Variants in SUMF1 observed in about 807,000 individuals in gnomAD.
SUMF1 encodes formylglycine-generating enzyme.
A neutral mutation model predicts 47.6 loss-of-function variants in SUMF1; 48 were observed. The ratio of observed to expected loss-of-function variants is 1.01; its 90% CI spans 0.80 to 1.28. The LOEUF is 1.28. SUMF1 is among the 50% of genes most tolerant of loss of function. The pLI, the probability that SUMF1 is intolerant of heterozygous loss-of-function variation, is 0.00. For missense variants in SUMF1, 571 were observed against 485.4 expected (o/e 1.18, Z -1.66); for synonymous variants, 230 against 192.1 (o/e 1.20, Z -1.63).
intron 8 of SUMF1, among the ~76,000 whole-genome samples, chr3:4,284,838 G>T (rs1697600668): frequency 6.6e-6 from 1 of 152,022 alleles, no homozygotes; most frequent in South Asian, 2.1e-4. Context: ...AAGATAAAGG[G>T]ATTATTTAAT....
Position 4,207,788 on chromosome 3 carries a change from G to A in SUMF1, c.1015-139043C>T, listed in dbSNP as rs73120029. Among the ~76,000 whole-genome samples, 1,026 of 152,238 alleles carry A rather than the reference G, an allele frequency of 6.7e-3. 13 individuals are homozygous for A. Among genetic ancestry groups the A allele is most frequent in the African/African-American group, 0.024 (982 of 41,558 alleles). Reference sequence around the variant, plus strand: ...CCAAAAACATAGCGACAGACAAGGAGATACAGAAAACCACAACTTACTAGA... The same window carrying A: ...CCAAAAACATAGCGACAGACAAGGAAATACAGAAAACCACAACTTACTAGA... On this transcript the variant is annotated intron_variant and NMD_transcript_variant, in intron 8 of 12. Coordinates refer to the SUMF1 transcript ENST00000448413.
rs545227234 is a variant in SUMF1 at position 4,167,120 on chromosome 3, C to T, written c.1015-98375G>A. The stretch of plus-strand genomic sequence containing the variant: ...TCCTTCTGGTGGGTTCATGATCTCA[C>T]TAACTTCAAGAATGAAGCCACGGGC... On this transcript the variant is annotated intron_variant and NMD_transcript_variant, in intron 8 of 12. Transcript: ENST00000448413. 5.3e-5 allele frequency among the ~76,000 whole-genome samples: 8 copies of T among 152,198 alleles called. No individual in the cohort carries two copies. The South Asian group carries it at 1.7e-3, about 32-fold the overall frequency.
chr3:4,317,121 G>C, intron 8 of SUMF1: 1 of 1,545,260 alleles, frequency 6.5e-7, no homozygotes, highest in Non-Finnish European at 8.7e-7. Flanking sequence ...CAACCAGCAG[G>C]ATGCAGAAAA....
intron 8 of SUMF1, among the ~76,000 whole-genome samples, chr3:4,272,623 A>G (rs549657125): frequency 9.8e-5 from 15 of 152,350 alleles, no homozygotes; most frequent in Middle Eastern, 3.4e-3. Flanking sequence ...TGTCTGCTAC[A>G]TAATTATTCT....
rs1270718272 is a variant in SUMF1 at position 4,257,858 on chromosome 3, A to T, written c.1014+118472T>A. Among the ~76,000 whole-genome samples the T allele has an allele frequency of 2.6e-5, 4 of 151,552 alleles. No homozygotes were observed. In the East Asian group the frequency reaches 5.8e-4, roughly 22 times the overall value. On this transcript the variant is annotated intron_variant and NMD_transcript_variant, in intron 8 of 12. Transcript: ENST00000448413. ...GAAGCATCACGCTACCTGACTTCAAACTATACTACAAGGCTACAGTAACCA... is the reference window on the plus strand; with the variant it reads ...GAAGCATCACGCTACCTGACTTCAATCTATACTACAAGGCTACAGTAACCA...
At chr3:4,130,179 A>C (rs4499581) in intron 8 of SUMF1, among the ~76,000 whole-genome samples, 38,930 of 152,100 alleles carry the variant, frequency 0.26, 5,848 homozygotes, top group East Asian at 0.4. Flanking sequence ...TTGGAGAATG[A>C]CAGTGGATTA....
chr3:4,128,977 C>T lies in SUMF1; in HGVS notation c.1015-60232G>A, dbSNP rs189888193. On this transcript the variant is annotated intron_variant and NMD_transcript_variant, in intron 8 of 12. Transcript: ENST00000448413. ...AGTGAATTGGGAATGCCTGATCTCC[C>T]TTGGTTTAATGTAAAGGAAAGGATC... Among the ~76,000 whole-genome samples, 6 of 152,162 alleles carry T rather than the reference C, an allele frequency of 3.9e-5. No individual in the cohort carries two copies. In the East Asian group the frequency reaches 9.7e-4, roughly 25 times the overall value.
chr3:4,209,249 A>ATAAG (rs1165499350), intron 8 of SUMF1, among the ~76,000 whole-genome samples: 3 of 152,174 alleles, frequency 2.0e-5, no homozygotes, highest in African/African-American at 7.2e-5. Flanking sequence ...ACACTCTACT[A>ATAAG]TAAAGATTTT....
intron 8 of SUMF1, among the ~76,000 whole-genome samples, chr3:4,186,658 G>C (rs1430102942): frequency 6.6e-6 from 1 of 152,104 alleles, no homozygotes; most frequent in Non-Finnish European, 1.5e-5. Flanking sequence ...GTGTTCATAA[G>C]CAGTATTTAT....
intron 8 of SUMF1, among the ~76,000 whole-genome samples, chr3:4,172,082 A>C (rs1423886115): frequency 6.6e-6 from 1 of 152,208 alleles, no homozygotes; most frequent in Non-Finnish European, 1.5e-5. Flanking sequence ...TAGGAAACAG[A>C]CTTCAAATAA....
At chr3:4,383,850 G>T (rs1700586435) in intron 7 of SUMF1, among the ~76,000 whole-genome samples, 1 of 152,162 alleles carries the variant, frequency 6.6e-6, no homozygotes, top group Admixed American at 6.5e-5. Context: ...CAGCATCCAT[G>T]ACACTGTAGT....
downstream of SUMF1, among the ~76,000 whole-genome samples, chr3:4,357,922 C>G (rs1699658454): frequency 6.6e-6 from 1 of 151,996 alleles, no homozygotes. Context: ...CCAACTCTTA[C>G]TAAAATAAAT....
At chr3:4,362,831 T>C (rs145295136) in intron 8 of SUMF1, among the ~76,000 whole-genome samples, 1 of 152,232 alleles carries the variant, frequency 6.6e-6, no homozygotes, top group East Asian at 1.9e-4. Flanking sequence ...GGAAGATCTC[T>C]TGAGCCTGGG....
intron 9 of SUMF1, among the ~76,000 whole-genome samples, chr3:4,041,280 C>G (rs564232720): frequency 1.1e-4 from 17 of 152,264 alleles, no homozygotes; most frequent in African/African-American, 3.6e-4. Context: ...CCATGTTGGC[C>G]AGGCTGGTCT....
chr3:4,313,904 T>G, intron 8 of SUMF1: 4 of 1,405,346 alleles, frequency 2.8e-6, no homozygotes, highest in Non-Finnish European at 3.8e-6. Context: ...CCTTTCCCCT[T>G]TCTGTAATAG....
rs576426278 is a variant in SUMF1, at chr3:4,373,344, A to G, written c.1014+2986T>C. Among the ~76,000 whole-genome samples the G allele has an allele frequency of 2.2e-4, 34 of 152,288 alleles. No individual in the cohort carries two copies. The South Asian group carries it at 6.0e-3, about 27-fold the overall frequency. On this transcript the variant is annotated intron_variant, in intron 8 of 8. Coordinates refer to ENST00000272902, the MANE Select transcript of SUMF1 (RefSeq NM_182760.4). ...GGCAGAGATTATGCCAATAAATACA[A>G]TAACTCAAATGAAATGGACAAATTC...
intron 3 of SUMF1, among the ~76,000 whole-genome samples, chr3:4,421,862 T>G (rs933692944): frequency 6.6e-6 from 1 of 152,210 alleles, no homozygotes; most frequent in Non-Finnish European, 1.5e-5. Flanking sequence ...TGTTACTCTT[T>G]GATTGTTTTC....
chr3:4,057,287 A>G (rs1695209298), intron 9 of SUMF1, among the ~76,000 whole-genome samples: 1 of 152,106 alleles, frequency 6.6e-6, no homozygotes, highest in South Asian at 2.1e-4. Flanking sequence ...ACCAAAGAAT[A>G]AAGTCAAGGG....
chr3:4,082,053 G>A (rs1255013952), intron 8 of SUMF1, among the ~76,000 whole-genome samples: 1 of 152,162 alleles, frequency 6.6e-6, no homozygotes, highest in Non-Finnish European at 1.5e-5. Context: ...TTGGAATTGT[G>A]TATAGATAGA....
Sources: allele counts gnomAD v4.1 joint callset (sites outside exome capture counted in the v4.1 genomes callset), GRCh38; gene constraint gnomAD v4.1.1; transcripts MANE v1.5; gene names NCBI Gene and HGNC (gene_info 2026-07-23, HGNC 2026-07-21).